SERPINB2: variants seen among roughly 807,000 people sequenced by gnomAD.
SERPINB2 encodes plasminogen activator inhibitor 2.
In SERPINB2, 28 loss-of-function variants were observed where a neutral mutation model predicts 39.4. That is an observed-to-expected ratio of 0.71 (90% CI 0.53 to 0.97). The LOEUF (loss-of-function observed/expected upper bound fraction) is 0.97. Among genes scored for constraint, SERPINB2 ranks in the 50% least tolerant of loss-of-function variants. SERPINB2 has a pLI of 0.00. For missense variants in SERPINB2, 557 were observed against 505.3 expected (o/e 1.10, Z -0.98); for synonymous variants, 209 against 175.1 (o/e 1.19, Z -1.53).
chr18:63,901,276 A>G (rs2049989447), intron 5 of SERPINB2, among the ~76,000 whole-genome samples: 1 of 151,982 alleles, frequency 6.6e-6, no homozygotes, highest in African/African-American at 2.4e-5. Context: ...TATCTGCACT[A>G]CTCTTAATTT....
At chr18:63,899,672 G>T (rs2049980663) in intron 5 of SERPINB2, among the ~76,000 whole-genome samples, 2 of 152,112 alleles carry the variant, frequency 1.3e-5, no homozygotes, top group Non-Finnish European at 2.9e-5. Context: ...TAAAGCCAGG[G>T]TTGCTTCTTC....
In SERPINB2 at chr18:63,895,233, G is replaced by A. The variant is rs763276518; in HGVS notation, c.169-31G>A. The A allele has an allele frequency of 4.3e-6, 7 of 1,609,950 alleles. No homozygotes were observed. The South Asian group carries it at 4.4e-5, about 10-fold the overall frequency. ...AAAAGTTCAGTAAATCCGTGGGCAA[G>A]TGTAACCGTTTTCTCTAATTCTGAT... On this transcript the variant is annotated intron_variant, in intron 2 of 7. Transcript: ENST00000299502.
At chr18:63,895,507 AAGACTC>A in intron 3 of SERPINB2, 124 bp downstream of exon 3, 1 of 1,231,758 alleles carries the variant, frequency 8.1e-7, no homozygotes. Context: ...AAAGAAAACT[AAGACTC>A]AGAGTCATTA....
intron 2 of SERPINB2, chr18:63,892,650 A>G (rs2049934162): frequency 6.6e-6 from 1 of 152,144 alleles, no homozygotes; most frequent in Non-Finnish European, 1.5e-5. Flanking sequence ...TTCCATGCAC[A>G]TGGTGACCCA....
intron 5 of SERPINB2, among the ~76,000 whole-genome samples, chr18:63,900,814 C>A (rs2049986952): frequency 6.6e-6 from 1 of 152,030 alleles, no homozygotes; most frequent in Admixed American, 6.6e-5. Context: ...ACTTCAAAAC[C>A]ACATTGACCT....
Position 63,901,753 on chromosome 18 carries a change from CT to C in SERPINB2, c.551del (p.Leu184CysfsTer7). 6.5e-7 allele frequency: 1 copy of C among 1,550,132 alleles called. No individual in the cohort carries two copies. On this transcript the variant is annotated frameshift_variant, in exon 6 of 8. Transcript: ENST00000299502. LOFTEE classifies it high-confidence loss of function. ...TGTTTTCTGTAGGCAAAATCCCAAA[CT>C]TGTTACCTGAAGGTTCTGTAGATGG... The part of the protein sequence containing the change: ...KTQTKGKIPN[L>X]LPEGSVDGDT...
rs576377611 is a variant in SERPINB2 at position 63,888,954 on chromosome 18, T to G, written c.-10+1184T>G. ...AAGATTTTCATTCAAACATAAAGTA[T>G]GGCCTTATCTGAGAGTCAGGAAACA... is the stretch of plus-strand genomic sequence containing the variant. On this transcript the variant is annotated intron_variant, in intron 1 of 7. Coordinates refer to ENST00000299502, the MANE Select transcript of SERPINB2 (RefSeq NM_002575.3). 2.3e-3 allele frequency among the ~76,000 whole-genome samples: 355 copies of G among 152,344 alleles called. 1 individual carries two copies. Among genetic ancestry groups the G allele is most frequent in the Non-Finnish European group, 4.2e-3 (285 of 68,038 alleles).
chr18:63,892,139 G>A (rs1363858317), intron 2 of SERPINB2, among the ~76,000 whole-genome samples: 2 of 152,004 alleles, frequency 1.3e-5, no homozygotes, highest in Non-Finnish European at 2.9e-5. Flanking sequence ...TACCAGGGTG[G>A]TGCTCACTAT....
Position 63,895,371 on chromosome 18 carries a change from T to C in SERPINB2, c.276T>C (p.Asp92=), listed in dbSNP as rs2144700012. 1 of 1,614,072 alleles carries C rather than the reference T, an allele frequency of 6.2e-7. No individual in the cohort carries two copies. Among genetic ancestry groups the C allele is most frequent in the South Asian group, 1.1e-5 (1 of 91,054 alleles). Residue 92 remains aspartate, a synonymous_variant, in exon 3 of 8, where the codon GAT becomes GAC. Transcript: ENST00000299502. ...MQQIQKGSYP[D]AILQAQAADK... The stretch of plus-strand genomic sequence containing the variant: ...AGATCCAGAAGGGTAGTTATCCTGA[T>C]GCGATTTTGCAGGTATCTGACTTAC...
Position 63,903,217 on chromosome 18 carries a change from A to T in SERPINB2, c.1160A>T (p.Gln387Leu). Reference sequence around the variant, plus strand: ...GGGAGAACTGGACATGGAGGCCCACAGTTTGTGGCAGATCATCCTTTTCTT... The same window carrying T: ...GGGAGAACTGGACATGGAGGCCCACTGTTTGTGGCAGATCATCCTTTTCTT... ...MTGRTGHGGP[Q>L]FVADHPFLFL... The change falls in exon 8 of 8, where the codon CAG (glutamine) becomes CTG (leucine). Residue 387 changes from glutamine to leucine, a missense_variant. By Grantham distance (113) the Gln-to-Leu change is moderately radical. Coordinates refer to ENST00000299502, the MANE Select transcript of SERPINB2 (RefSeq NM_002575.3). 1 of 1,608,322 alleles carries T rather than the reference A, an allele frequency of 6.2e-7. No individual in the cohort carries two copies. Among genetic ancestry groups the T allele is most frequent in the South Asian group, 1.1e-5 (1 of 89,988 alleles).
Position 63,897,616 on chromosome 18 carries a change from C to G in SERPINB2, c.418-111C>G, listed in dbSNP as rs558230100. ...TGCCTTCCATAGCCAACCTCCACTC[C>G]CACCCTACCCCAGGTCTCCTAATTT... On this transcript the variant is annotated intron_variant, in intron 4 of 7. Transcript: ENST00000299502. 332 of 845,880 alleles carry G rather than the reference C, an allele frequency of 3.9e-4. 1 individual carries two copies. Among genetic ancestry groups the G allele is most frequent in the Admixed American group, 1.1e-3 (58 of 51,366 alleles). The allele number at this position is 845,880 out of a possible 1,614,324, so 52.4% of individuals were successfully genotyped here. A position where few individuals can be genotyped will look rare whatever the true frequency, so the allele number is the denominator to read the frequency against.
intron 5 of SERPINB2, among the ~76,000 whole-genome samples, chr18:63,899,039 T>C (rs551959689): frequency 3.3e-5 from 5 of 152,218 alleles, no homozygotes; most frequent in South Asian, 2.1e-4. Context: ...TCCAGTTGAC[T>C]GTGCTTGGCT....
intron 5 of SERPINB2, among the ~76,000 whole-genome samples, chr18:63,900,547 G>T (rs1544894): frequency 0.29 from 43,513 of 152,030 alleles, 6,826 homozygotes; most frequent in East Asian, 0.48. Context: ...AGGGCAGTTT[G>T]GGGGTCATAT....
chr18:63,888,407 TATGAAAG>T (rs991362832), intron 1 of SERPINB2, among the ~76,000 whole-genome samples: 1 of 152,228 alleles, frequency 6.6e-6, no homozygotes, highest in Non-Finnish European at 1.5e-5. Context: ...ACTTATTCAT[TATGAAAG>T]CCATCAACTA....
chr18:63,895,310 C>T lies in SERPINB2; in HGVS notation c.215C>T (p.Thr72Ile). Reference sequence around the variant, plus strand: ...GGAGCCAATGCAGTTACCCCCATGACTCCAGAGAACTTTACCAGCTGTGGG... The same window carrying T: ...GGAGCCAATGCAGTTACCCCCATGATTCCAGAGAACTTTACCAGCTGTGGG... ...EVGANAVTPM[T>I]PENFTSCGFM... The change falls in exon 3 of 8, where the codon ACT (threonine) becomes ATT (isoleucine). Residue 72 changes from threonine (T) to isoleucine (I), a missense_variant. Thr to Ile is a moderately conservative substitution (Grantham distance 89). Coordinates refer to ENST00000299502, the MANE Select transcript of SERPINB2 (RefSeq NM_002575.3). The T allele has an allele frequency of 5.6e-6, 9 of 1,614,096 alleles. No homozygotes were observed. Among genetic ancestry groups the T allele is most frequent in the Non-Finnish European group, 7.6e-6 (9 of 1,179,982 alleles).
At chr18:63,893,751 G>T (rs938996396) in intron 2 of SERPINB2, among the ~76,000 whole-genome samples, 2 of 152,152 alleles carry the variant, frequency 1.3e-5, no homozygotes, top group Non-Finnish European at 2.9e-5. Flanking sequence ...AGTAGCAGTT[G>T]CTATAATAAC....
chr18:63,891,622 A>T lies in SERPINB2; in HGVS notation c.168+10A>T, dbSNP rs1323065424. The T allele has an allele frequency of 6.2e-7, 1 of 1,609,788 alleles. No homozygotes were observed. Among genetic ancestry groups the T allele is most frequent in the Admixed American group, 1.7e-5 (1 of 59,594 alleles). ...AGACCAGATGGCCAAGGTGAGTTTG[A>T]GCTGAAGCTCCACATTTGGGCCGAG... On this transcript the variant is annotated intron_variant, in intron 2 of 7. Coordinates refer to ENST00000299502, the MANE Select transcript of SERPINB2 (RefSeq NM_002575.3).
chr18:63,897,206 CG>C lies in SERPINB2; in HGVS notation c.405del (p.Ser136AlafsTer21), dbSNP rs1163420128. On this transcript the variant is annotated frameshift_variant, in exon 4 of 8. Transcript: ENST00000299502. LOFTEE classifies it high-confidence loss of function. ...SVNKLFGEKS[A>X]SFREEYIRLC... is the part of the protein sequence containing the mutation. Reference sequence around the variant, plus strand: ...AATAAGCTGTTTGGTGAGAAGTCTGCGAGCTTCCGGGAAGTAAGTGAAACCT... The same window carrying C: ...AATAAGCTGTTTGGTGAGAAGTCTGCAGCTTCCGGGAAGTAAGTGAAACCT... 1 of 1,607,804 alleles carries C rather than the reference CG, an allele frequency of 6.2e-7. No individual in the cohort carries two copies. The highest frequency in any genetic ancestry group is 2.2e-5 in the East Asian group (1 of 44,660).
At chr18:63,898,812 C>CA (rs1036183456) in intron 5 of SERPINB2, among the ~76,000 whole-genome samples, 1 of 152,036 alleles carries the variant, frequency 6.6e-6, no homozygotes, top group African/African-American at 2.4e-5. Flanking sequence ...GATTTCCAGA[C>CA]AGAGTGCACA....
Sources: allele counts gnomAD v4.1 joint callset (sites outside exome capture counted in the v4.1 genomes callset), GRCh38; gene constraint gnomAD v4.1.1; transcripts MANE v1.5; gene names NCBI Gene and HGNC (gene_info 2026-07-23, HGNC 2026-07-21).